The following VDR variants were observed in gnomAD, a reference collection of about 807,000 sequenced individuals.
VDR encodes the protein vitamin D3 receptor.
Under a neutral mutation model 39.7 loss-of-function variants are expected in VDR, and 19 were observed. That is an observed-to-expected ratio of 0.48 (90% CI 0.33 to 0.70). The LOEUF (loss-of-function observed/expected upper bound fraction) is 0.70, where lower values mean the gene tolerates loss of function less well. Ranked by LOEUF, VDR falls within the 30% of genes least tolerant of loss-of-function variation. The probability of loss-of-function intolerance (pLI) is 0.02; values close to 1 mark genes in which losing one functional copy is unlikely to be tolerated. For missense variants in VDR, 442 were observed against 570.5 expected (o/e 0.77, Z 2.29); for synonymous variants, 242 against 215.8 (o/e 1.12, Z -1.07).
At position 47,844,767 on chromosome 12, in the gene VDR, C is replaced by T; in HGVS notation, c.1263G>A (p.Val421=). The change falls in exon 10 of 10, where the codon GTG becomes GTA. Residue 421 remains valine (V), a synonymous_variant. Coordinates refer to ENST00000549336, the MANE Select transcript of VDR (RefSeq NM_000376.3). ...SMKLTPLVLE[V]FGNEIS ...CTAGTCAGGAGATCTCATTGCCAAA[C>T]ACTTCGAGCACAAGGGGCGTTAGCT... 6.2e-7 allele frequency: 1 copy of T among 1,614,104 alleles called. No individual in the cohort carries two copies. The highest frequency in any genetic ancestry group is 8.5e-7 in the Non-Finnish European group (1 of 1,179,998).
intron 1 of VDR, among the ~76,000 whole-genome samples, chr12:47,886,034 G>A (rs1946246906): frequency 6.6e-6 from 1 of 152,208 alleles, no homozygotes; most frequent in Non-Finnish European, 1.5e-5. Context: ...CTGCCAGGTT[G>A]GGACTGGAGT....
chr12:47,882,706 G>A lies in VDR; in HGVS notation c.-15C>T. ...AGGAAACACCTACCTGAAGGAGCAG[G>A]GGGCAGGTAAGTGGAGCCCAGGGGT... On this transcript the variant is annotated 5_prime_UTR_variant, in exon 2 of 10. Transcript: ENST00000549336. 2.0e-6 allele frequency: 3 copies of A among 1,524,024 alleles called. No individual in the cohort carries two copies. The highest frequency in any genetic ancestry group is 2.6e-6 in the Non-Finnish European group (3 of 1,141,206). The allele number at this position is 1,524,024 out of a possible 1,614,324, so 94.4% of individuals were successfully genotyped here.
In VDR at chr12:47,857,764, A is replaced by G. The variant is rs1457100638; in HGVS notation, c.278-76T>C. 8 of 1,541,782 alleles carry G rather than the reference A, an allele frequency of 5.2e-6. No homozygotes were observed. In the Admixed American group the frequency reaches 6.9e-5, roughly 13 times the overall value. On this transcript the variant is annotated intron_variant, in intron 4 of 9. Coordinates refer to ENST00000549336, the MANE Select transcript of VDR (RefSeq NM_000376.3). ...AAACCTTCCTCCTGCGGTTGGGGGT[A>G]AAGGTCCAAGATAGGAGGGGCTTTA...
chr12:47,902,749 A>C (rs1946590410), intron 1 of VDR, among the ~76,000 whole-genome samples: 1 of 152,190 alleles, frequency 6.6e-6, no homozygotes, highest in Non-Finnish European at 1.5e-5. Context: ...TCCAGCCAGG[A>C]CAGCGGTGCC....
At chr12:47,848,089 A>G (rs1042514392) in intron 7 of VDR, among the ~76,000 whole-genome samples, 2 of 152,152 alleles carry the variant, frequency 1.3e-5, no homozygotes, top group African/African-American at 4.8e-5. Flanking sequence ...TTTTTAGTAG[A>G]GACGAGGTTT....
intron 1 of VDR, among the ~76,000 whole-genome samples, chr12:47,897,658 C>T (rs559600083): frequency 4.4e-4 from 67 of 152,260 alleles, no homozygotes; most frequent in Admixed American, 1.2e-3. Flanking sequence ...GCAGGGTATT[C>T]GACCTTCAAA....
intron 1 of VDR, among the ~76,000 whole-genome samples, chr12:47,904,266 C>A (rs1440464971): frequency 6.6e-6 from 1 of 151,814 alleles, no homozygotes; most frequent in Non-Finnish European, 1.5e-5. Context: ...AGGCTGTTCC[C>A]TCCTAGATAC....
At chr12:47,885,407 C>T (rs772686465) in intron 1 of VDR, among the ~76,000 whole-genome samples, 7 of 152,264 alleles carry the variant, frequency 4.6e-5, no homozygotes, top group Non-Finnish European at 8.8e-5. Flanking sequence ...ACACCACAGG[C>T]GGCCCCATCT....
chr12:47,887,277 G>T (rs532538444), intron 1 of VDR, among the ~76,000 whole-genome samples: 1 of 134,036 alleles, frequency 7.5e-6, no homozygotes, highest in African/African-American at 2.9e-5. Context: ...AGCAGAGATC[G>T]CACCGTTGTA....
chr12:47,846,694 G>C lies in VDR; in HGVS notation c.870C>G (p.Asn290Lys). The change falls in exon 8 of 10, where the codon AAC becomes AAG. Residue 290 changes from asparagine (N) to lysine (K), a missense_variant. Coordinates refer to ENST00000549336, the MANE Select transcript of VDR (RefSeq NM_000376.3). ...TMDDMSWTCG[N>K]QDYKYRVSDV... ...CACTGACGCGGTACTTGTAGTCTTG[G>C]TTGCCACAGGTCCAGGACATGTCGT... is the stretch of plus-strand genomic sequence containing the variant. The C allele has an allele frequency of 6.2e-7, 1 of 1,614,086 alleles. No homozygotes were observed. Among genetic ancestry groups the C allele is most frequent in the Non-Finnish European group, 8.5e-7 (1 of 1,180,034 alleles).
At chr12:47,883,347 T>A (rs555836724) in intron 1 of VDR, among the ~76,000 whole-genome samples, 1 of 152,300 alleles carries the variant, frequency 6.6e-6, no homozygotes, top group African/African-American at 2.4e-5. Context: ...TGAGATCTCC[T>A]GTCTGTGGAG....
intron 3 of VDR, chr12:47,878,700 G>A: frequency 1.8e-6 from 1 of 564,226 alleles, no homozygotes; most frequent in South Asian, 1.5e-5. Context: ...AGGAGGCTGT[G>A]GGTTACAGGC....
intron 1 of VDR, among the ~76,000 whole-genome samples, chr12:47,885,839 G>C (rs1946243230): frequency 6.6e-6 from 1 of 152,178 alleles, no homozygotes; most frequent in Non-Finnish European, 1.5e-5. Context: ...GGGGTTACAG[G>C]TGTGAGCCAC....
intron 3 of VDR, among the ~76,000 whole-genome samples, chr12:47,871,309 T>C (rs188935253): frequency 1.0e-3 from 129 of 126,846 alleles, no homozygotes; most frequent in African/African-American, 3.9e-3. Flanking sequence ...TTTCTTTCTT[T>C]CTTTCTTTCT....
chr12:47,869,611 C>T (rs2137176916), intron 3 of VDR, among the ~76,000 whole-genome samples: 1 of 148,294 alleles, frequency 6.7e-6, no homozygotes, highest in African/African-American at 2.5e-5. Context: ...AGTACTGGGA[C>T]TGGGTGCAGT....
At chr12:47,891,144 A>G (rs552053142) in intron 1 of VDR, among the ~76,000 whole-genome samples, 1 of 152,186 alleles carries the variant, frequency 6.6e-6, no homozygotes, top group East Asian at 1.9e-4. Flanking sequence ...TTGGGATCAG[A>G]CCCCTTGCCT....
chr12:47,882,473 C>G (rs886837270), intron 2 of VDR, among the ~76,000 whole-genome samples: 3 of 152,038 alleles, frequency 2.0e-5, no homozygotes, highest in Non-Finnish European at 4.4e-5. Flanking sequence ...GTGGCTGGAG[C>G]CAGCAAGCCC....
In VDR at chr12:47,855,762, C is replaced by G; in HGVS notation, c.623G>C (p.Ser208Thr). ...AGAAGGGTCATCTGAATCTTCTTCA[C>G]TCAGATCCAGATTGGAGAAGCTGGA... ...DSSSFSNLDL[S>T]EEDSDDPSVT... Residue 208 changes from serine (S) to threonine (T), a missense_variant, in exon 7 of 10, where the codon AGT (serine) becomes ACT (threonine). Around this residue, in one of 5 missense-constraint regions of VDR, gnomAD observed 77 missense variants for 67.4 expected, o/e 1.14. Coordinates refer to ENST00000549336, the MANE Select transcript of VDR (RefSeq NM_000376.3). The G allele has an allele frequency of 6.2e-7, 1 of 1,614,186 alleles. No individual in the cohort carries two copies. Among genetic ancestry groups the G allele is most frequent in the Non-Finnish European group, 8.5e-7 (1 of 1,180,016 alleles).
intron 1 of VDR, chr12:47,904,638 C>T: frequency 3.3e-6 from 5 of 1,535,824 alleles, no homozygotes; most frequent in Non-Finnish European, 4.4e-6. Flanking sequence ...CATGCCAAGG[C>T]GCCCCGACAG....
Sources: gnomAD v4.1 joint callset for allele counts (sites outside exome capture counted in the v4.1 genomes callset) on GRCh38, gnomAD v4.1.1 for gene constraint, gnomAD v4.1.1 regional missense constraint, MANE v1.5 for transcripts, NCBI Gene and HGNC (gene_info 2026-07-23, HGNC 2026-07-21) for gene names.